The following AGTRAP variants were observed in gnomAD, a reference collection of about 807,000 sequenced individuals.
The protein encoded by AGTRAP is type-1 angiotensin II receptor-associated protein.
A neutral mutation model predicts 15.2 loss-of-function variants in AGTRAP; 7 were observed. The observed-to-expected ratio is 0.46, with a 90% CI of 0.26 to 0.87. AGTRAP has a LOEUF of 0.87. Ranked by LOEUF, AGTRAP falls within the 40% of genes least tolerant of loss-of-function variation. The probability of loss-of-function intolerance (pLI) is 0.15; values close to 1 mark genes in which losing one functional copy is unlikely to be tolerated. For synonymous variants in AGTRAP, 74 were observed against 89.6 expected (o/e 0.83, Z 0.98); for missense variants, 187 against 213.4 (o/e 0.88, Z 0.77).
rs141555536 is a variant in AGTRAP at position 11,747,442 on chromosome 1, G to A, written c.65G>A (p.Gly22Asp). Residue 22 changes from glycine (G) to aspartate (D), a missense_variant and splice_region_variant, in exon 3 of 5, where the codon GGC becomes GAC. Coordinates refer to ENST00000314340, the MANE Select transcript of AGTRAP (RefSeq NM_020350.5). Reference sequence around the variant, plus strand: ...GACTGAGCTACCTCTTCCTACAGGGGCTGCATTGTATTCTCAGGCTCCTAT... The same window carrying A: ...GACTGAGCTACCTCTTCCTACAGGGACTGCATTGTATTCTCAGGCTCCTAT... ...LLGHWLLTTW[G>D]CIVFSGSYAW... 7.2e-5 allele frequency: 117 copies of A among 1,613,932 alleles called. No homozygotes were observed. Among genetic ancestry groups the A allele is most frequent in the Non-Finnish European group, 8.9e-5 (105 of 1,179,896 alleles).
At chr1:11,747,342 G>A (rs1242191397) in intron 2 of AGTRAP, 98 bp from the exon 3 acceptor site, 1 of 1,116,052 alleles carries the variant, frequency 9.0e-7, no homozygotes, top group African/African-American at 1.5e-5. Context: ...CGAAGACTAT[G>A]GCATGTTCTG....
intron 1 of AGTRAP, among the ~76,000 whole-genome samples, chr1:11,742,689 C>G (rs1044709360): frequency 1.3e-5 from 2 of 152,054 alleles, no homozygotes; most frequent in African/African-American, 4.8e-5. Flanking sequence ...CTCCACCATA[C>G]CTGGCTAATT....
chr1:11,746,413 C>T, intron 2 of AGTRAP: 2 of 572,496 alleles, frequency 3.5e-6, no homozygotes, highest in South Asian at 2.1e-5. Flanking sequence ...TGGCACTCCA[C>T]ACCTGCCTTG....
Position 11,748,589 on chromosome 1 carries a change from G to T in AGTRAP, c.343G>T (p.Gly115Cys). The T allele has an allele frequency of 6.2e-7, 1 of 1,608,698 alleles. No homozygotes were observed. The highest frequency in any genetic ancestry group is 8.5e-7 in the Non-Finnish European group (1 of 1,179,960). ...CTACCACATGTACCGGGAGCGCGGG[G>T]GTGAGCTCCTGGTCCACACTGGTGA... ...FVYHMYRERGGELLVHTGFLG... is the reference protein window; with the variant it reads ...FVYHMYRERGCELLVHTGFLG... The change falls in exon 4 of 5, where the codon GGT becomes TGT. Residue 115 changes from glycine (G) to cysteine (C), a missense_variant. Gly to Cys is a radical substitution (Grantham distance 159). Transcript: ENST00000314340.
chr1:11,736,922 C>T (rs913246569), intron 1 of AGTRAP, among the ~76,000 whole-genome samples: 1 of 152,194 alleles, frequency 6.6e-6, no homozygotes, highest in African/African-American at 2.4e-5. Context: ...CCAGCCCCGC[C>T]GCCCACGTGT....
At chr1:11,743,117 A>C (rs1362006805) in intron 1 of AGTRAP, among the ~76,000 whole-genome samples, 1 of 151,562 alleles carries the variant, frequency 6.6e-6, no homozygotes, top group Non-Finnish European at 1.5e-5. Flanking sequence ...ACCGCCACCC[A>C]TGCAGGGCCT....
At chr1:11,736,995 T>A (rs1641916935) in intron 1 of AGTRAP, among the ~76,000 whole-genome samples, 1 of 152,182 alleles carries the variant, frequency 6.6e-6, no homozygotes, top group Admixed American at 6.5e-5. Flanking sequence ...GTGTGGACCT[T>A]GGACCAAACC....
At chr1:11,744,532 G>A in intron 1 of AGTRAP, 1 of 716,092 alleles carries the variant, frequency 1.4e-6, no homozygotes, top group Non-Finnish European at 2.6e-6. Context: ...GCCCCCCACA[G>A]TGCGCCAGCT....
chr1:11,739,678 A>G (rs570222790), intron 1 of AGTRAP, among the ~76,000 whole-genome samples: 11 of 152,328 alleles, frequency 7.2e-5, no homozygotes, highest in Non-Finnish European at 1.6e-4. Context: ...TCTACCCCAT[A>G]CAGTTACACG....
intron 1 of AGTRAP, among the ~76,000 whole-genome samples, chr1:11,742,962 CCCTT>C (rs1642068668): frequency 1.3e-5 from 2 of 152,230 alleles, no homozygotes; most frequent in Non-Finnish European, 2.9e-5. Context: ...TGGCATCTCT[CCCTT>C]CCAGCCTGAC....
chr1:11,748,577 C>T lies in AGTRAP; in HGVS notation c.331C>T (p.Arg111Trp), dbSNP rs767251061. ...CTGCTGCTTCGTCTACCACATGTAC[C>T]GGGAGCGCGGGGGTGAGCTCCTGGT... ...LSCCFVYHMY[R>W]ERGGELLVHT... Residue 111 changes from arginine (R) to tryptophan (W), a missense_variant, in exon 4 of 5, where the codon CGG (arginine) becomes TGG (tryptophan). Transcript: ENST00000314340. 13 of 1,610,040 alleles carry T rather than the reference C, an allele frequency of 8.1e-6. No individual in the cohort carries two copies. Among genetic ancestry groups the T allele is most frequent in the East Asian group, 2.2e-5 (1 of 44,866 alleles).
chr1:11,744,527 C>T, intron 1 of AGTRAP: 2 of 716,182 alleles, frequency 2.8e-6, no homozygotes, highest in Non-Finnish European at 5.2e-6. Flanking sequence ...CCTCTGCCCC[C>T]CACAGTGCGC....
chr1:11,740,927 ACT>A, intron 1 of AGTRAP, among the ~76,000 whole-genome samples: 1 of 151,624 alleles, frequency 6.6e-6, no homozygotes, highest in Non-Finnish European at 1.5e-5. Flanking sequence ...ACTGTGGCTG[ACT>A]CTGCGGTGTG....
At chr1:11,746,363 A>G (rs1037189566) in intron 2 of AGTRAP, 2 of 706,702 alleles carry the variant, frequency 2.8e-6, no homozygotes, top group African/African-American at 1.8e-5. Flanking sequence ...TCTTAAAAGC[A>G]AAAGATAAGA....
chr1:11,749,969 G>T lies in AGTRAP; in HGVS notation c.365-108G>T, dbSNP rs980167945. ...GCCTCTGTCTCTGTGCATGGTGTCAGGATGCCCAGCCCGAGGGTGGCGGGG... is the reference window on the plus strand; with the variant it reads ...GCCTCTGTCTCTGTGCATGGTGTCATGATGCCCAGCCCGAGGGTGGCGGGG... On this transcript the variant is annotated intron_variant, in intron 4 of 4. Transcript: ENST00000314340. 6.0e-5 allele frequency: 47 copies of T among 782,118 alleles called. No individual in the cohort carries two copies. In the African/African-American group the frequency reaches 7.7e-4, roughly 13 times the overall value. 48.4% of individuals were successfully genotyped at this position (782,118 alleles called of 1,614,324 possible).
rs147391579 is a variant in AGTRAP, at chr1:11,739,277, G to A, written c.27+3042G>A. On this transcript the variant is annotated intron_variant, in intron 1 of 4. Transcript: ENST00000314340. ...GTTACAAATTCAGGCTGGGCCAGGC[G>A]TGGTGGCTCACACCTGTAATCCTAG... Among the ~76,000 whole-genome samples the A allele has an allele frequency of 6.5e-4, 99 of 152,300 alleles. 1 individual carries two copies. The East Asian group carries it at 0.011, about 17-fold the overall frequency.
chr1:11,744,403 C>T (rs938807118), intron 1 of AGTRAP: 2 of 569,296 alleles, frequency 3.5e-6, no homozygotes, highest in Non-Finnish European at 6.5e-6. Flanking sequence ...CAGTGGTGTC[C>T]CTCGTTGCAC....
At chr1:11,749,998 G>C in intron 4 of AGTRAP, 79 bp from the exon 5 acceptor site, 1 of 1,166,032 alleles carries the variant, frequency 8.6e-7, no homozygotes, top group Non-Finnish European at 1.3e-6. Context: ...GGCGGGGGTG[G>C]ATCTTGGGTT....
chr1:11,738,754 A>G (rs1343658151), intron 1 of AGTRAP, among the ~76,000 whole-genome samples: 1 of 152,154 alleles, frequency 6.6e-6, no homozygotes, highest in African/African-American at 2.4e-5. Context: ...TCCAGTACCC[A>G]CGAAGTTAAC....
Sources: gnomAD v4.1 joint callset for allele counts (sites outside exome capture counted in the v4.1 genomes callset) on GRCh38, gnomAD v4.1.1 for gene constraint, MANE v1.5 for transcripts, NCBI Gene and HGNC (gene_info 2026-07-23, HGNC 2026-07-21) for gene names.